The following AFF2 variants were observed in gnomAD, a reference collection of about 807,000 sequenced individuals.
AFF2 encodes the protein ALF transcription elongation factor 2.
Under a neutral mutation model 76.9 loss-of-function variants are expected in AFF2, and 14 were observed. The ratio of observed to expected loss-of-function variants is 0.18; its 90% CI spans 0.12 to 0.28. AFF2 has a LOEUF of 0.28. Among genes scored for constraint, AFF2 ranks in the 10% least tolerant of loss-of-function variants. The pLI is 1.00. For synonymous variants in AFF2, 398 were observed against 366.7 expected (o/e 1.09, Z -0.98); for missense variants, 868 against 1,001.1 (o/e 0.87, Z 1.79).
chrX:148,709,356 C>A (rs1164637421), intron 3 of AFF2, among the ~76,000 whole-genome samples: 1 of 111,509 alleles, frequency 9.0e-6, no homozygotes, highest in Non-Finnish European at 1.9e-5. Context: ...ATGTCTCTTA[C>A]ACATCCTTGG....
chrX:148,563,905 G>A (rs781863980), intron 1 of AFF2, among the ~76,000 whole-genome samples: 12 of 111,613 alleles, frequency 1.1e-4, no homozygotes, highest in Admixed American at 3.8e-4. Context: ...CATGCCAGGT[G>A]TTTTATAAAT....
At chrX:148,577,701 A>C (rs2053306580) in intron 1 of AFF2, among the ~76,000 whole-genome samples, 2 of 112,338 alleles carry the variant, frequency 1.8e-5, no homozygotes, top group Non-Finnish European at 3.8e-5. Context: ...TTGCACTTTC[A>C]TTTGTTAAAT....
At chrX:148,501,482 G>T (rs2052350438) in intron 1 of AFF2, among the ~76,000 whole-genome samples, 1 of 112,962 alleles carries the variant, frequency 8.9e-6, no homozygotes, top group Non-Finnish European at 1.9e-5. Flanking sequence ...TGCCGGTCTG[G>T]CCTCCTTGAG....
chrX:148,524,121 CTCTGTGTG>C (rs1173520354), intron 1 of AFF2, among the ~76,000 whole-genome samples: 3,855 of 80,226 alleles, frequency 0.048, 142 homozygotes, highest in African/African-American at 0.13. Context: ...CTCTCTCTCT[CTCTGTGTG>C]TGTGTGTGTG....
intron 3 of AFF2, among the ~76,000 whole-genome samples, chrX:148,745,562 C>A (rs2055410822): frequency 9.0e-6 from 1 of 111,425 alleles, no homozygotes; most frequent in Non-Finnish European, 1.9e-5. Flanking sequence ...AAGATTTTGG[C>A]AAATGTTTTT....
At chrX:148,823,393 C>G (rs1043535744) in intron 4 of AFF2, among the ~76,000 whole-genome samples, 1 of 111,792 alleles carries the variant, frequency 8.9e-6, no homozygotes. Flanking sequence ...TACAGAAACA[C>G]CAACCACATG....
At chrX:148,713,256 C>T (rs782552269) in intron 3 of AFF2, among the ~76,000 whole-genome samples, 1 of 111,298 alleles carries the variant, frequency 9.0e-6, no homozygotes, top group Non-Finnish European at 1.9e-5. Flanking sequence ...TCTTGCAGAC[C>T]ATTTATAAGG....
At chrX:148,991,181 G>T in intron 20 of AFF2, 30 bp from the exon 21 acceptor site, 1 of 1,173,251 alleles carries the variant, frequency 8.5e-7, no homozygotes, top group African/African-American at 1.8e-5. Flanking sequence ...ATCATATAAA[G>T]GCCTAACTGA....
At chrX:148,602,762 A>G (rs782085780) in intron 1 of AFF2, among the ~76,000 whole-genome samples, 1 of 110,432 alleles carries the variant, frequency 9.1e-6, no homozygotes, top group East Asian at 2.9e-4. Context: ...ATCCTTGGAC[A>G]TATTCTCTAA....
At chrX:148,733,429 T>A (rs1557264845) in intron 3 of AFF2, among the ~76,000 whole-genome samples, 1 of 111,080 alleles carries the variant, frequency 9.0e-6, no homozygotes, top group East Asian at 2.8e-4. Flanking sequence ...CTTTCATTCA[T>A]TCATCTCCTT....
intron 3 of AFF2, among the ~76,000 whole-genome samples, chrX:148,739,159 A>G (rs1169966137): frequency 9.0e-6 from 1 of 111,525 alleles, no homozygotes; most frequent in East Asian, 2.8e-4. Flanking sequence ...GCTTAAATCC[A>G]TTGTTTCTTT....
At chrX:148,789,466 G>A (rs1557269784) in intron 3 of AFF2, among the ~76,000 whole-genome samples, 1 of 111,663 alleles carries the variant, frequency 9.0e-6, no homozygotes. Context: ...AGCCAGAATA[G>A]ACCAAATACA....
At chrX:148,947,466 G>A (rs60591663) in intron 9 of AFF2, among the ~76,000 whole-genome samples, 1,675 of 111,551 alleles carry the variant, frequency 0.015, 22 homozygotes, top group African/African-American at 0.052. Flanking sequence ...TGTTTTTATC[G>A]GTTTTATATA....
intron 2 of AFF2, among the ~76,000 whole-genome samples, chrX:148,655,716 G>A (rs1184929313): frequency 1.8e-5 from 2 of 111,887 alleles, no homozygotes; most frequent in Non-Finnish European, 3.8e-5. Flanking sequence ...TTCCCTGGGA[G>A]AACACTGAGG....
At position 148,562,623 on chromosome X, in the gene AFF2, C is replaced by T. The variant is rs2053126312; in HGVS notation, c.47+61479C>T. On this transcript the variant is annotated intron_variant, in intron 1 of 20. Transcript: ENST00000370460. ...AACCAAGGCTAGAGACATAGGTCAG[C>T]TTAACTATTCCAAACAAAACCCCAA... 3.6e-5 allele frequency among the ~76,000 whole-genome samples: 4 copies of T among 112,354 alleles called. No individual in the cohort carries two copies. In the Admixed American group the frequency reaches 3.8e-4, roughly 11 times the overall value.
chrX:148,794,345 G>T (rs72611266), intron 3 of AFF2, among the ~76,000 whole-genome samples: 1 of 111,864 alleles, frequency 8.9e-6, no homozygotes, highest in Non-Finnish European at 1.9e-5. Context: ...GTGGATGTTG[G>T]GGGGAGGACA....
chrX:148,713,471 G>A (rs1214819573), intron 3 of AFF2, among the ~76,000 whole-genome samples: 1 of 111,761 alleles, frequency 8.9e-6, no homozygotes, highest in Non-Finnish European at 1.9e-5. Flanking sequence ...GGGGGAGGTT[G>A]GTCTTGCAGT....
At chrX:148,947,740 AG>A (rs1405104634) in intron 9 of AFF2, among the ~76,000 whole-genome samples, 7 of 112,318 alleles carry the variant, frequency 6.2e-5, no homozygotes, top group Admixed American at 1.9e-4. Context: ...CGAAGGAGGA[AG>A]GAAGATAAGA....
chrX:148,763,210 G>A (rs999919755), intron 3 of AFF2, among the ~76,000 whole-genome samples: 1 of 112,130 alleles, frequency 8.9e-6, no homozygotes, highest in South Asian at 3.7e-4. Flanking sequence ...ATTGTGTTGA[G>A]CACTGATAAA....
Sources: allele counts gnomAD v4.1 joint callset (sites outside exome capture counted in the v4.1 genomes callset), GRCh38; gene constraint gnomAD v4.1.1; transcripts MANE v1.5; gene names NCBI Gene and HGNC (gene_info 2026-07-23, HGNC 2026-07-21).